Variants in RBFOX1 observed in about 807,000 individuals in gnomAD.
RBFOX1 encodes the protein RNA binding fox-1 homolog 1.
A neutral mutation model predicts 57.7 loss-of-function variants in RBFOX1; 8 were observed. The ratio of observed to expected loss-of-function variants is 0.14; its 90% CI spans 0.08 to 0.25. The LOEUF (loss-of-function observed/expected upper bound fraction) is 0.25, where lower values mean the gene tolerates loss of function less well. Among genes scored for constraint, RBFOX1 ranks in the 10% least tolerant of loss-of-function variants. The pLI, the probability that RBFOX1 is intolerant of heterozygous loss-of-function variation, is 1.00. For missense variants in RBFOX1, 611 were observed against 548.5 expected, an observed-to-expected ratio of 1.11 and a Z score of -1.14; for synonymous variants, 326 against 222.4, an observed-to-expected ratio of 1.47 and a Z score of -4.15.
At chr16:7,302,084 C>G (rs946757224) in intron 4 of RBFOX1, among the ~76,000 whole-genome samples, 30 of 152,270 alleles carry the variant, frequency 2.0e-4, no homozygotes, top group African/African-American at 6.5e-4. Context: ...GAATAGCAGC[C>G]TCTACTTTCC....
At chr16:5,676,290 C>G (rs2050167727) in intron 3 of RBFOX1, among the ~76,000 whole-genome samples, 2 of 152,200 alleles carry the variant, frequency 1.3e-5, no homozygotes, top group Non-Finnish European at 1.5e-5. Flanking sequence ...CACCTTTTTA[C>G]CCACCCATTT....
At chr16:6,437,817 A>T (rs1322318541) in intron 2 of RBFOX1, among the ~76,000 whole-genome samples, 1 of 152,188 alleles carries the variant, frequency 6.6e-6, no homozygotes, top group East Asian at 1.9e-4. Flanking sequence ...CTCATTCATT[A>T]TCAGGAGAAC....
intron 3 of RBFOX1, among the ~76,000 whole-genome samples, chr16:6,976,667 TATATATC>T (rs1258137119): frequency 6.7e-6 from 1 of 149,436 alleles, no homozygotes; most frequent in Non-Finnish European, 1.5e-5. Context: ...ATATATGATA[TATATATC>T]ATATATATCA....
chr16:7,546,491 A>G (rs1193038557), intron 5 of RBFOX1, among the ~76,000 whole-genome samples: 1 of 152,222 alleles, frequency 6.6e-6, no homozygotes, highest in Non-Finnish European at 1.5e-5. Context: ...AAAATATAGT[A>G]TATCCAGATA....
intron 2 of RBFOX1, among the ~76,000 whole-genome samples, chr16:6,640,711 T>A (rs538559916): frequency 1.8e-4 from 27 of 152,260 alleles, no homozygotes; most frequent in Middle Eastern, 3.4e-3. Flanking sequence ...GGCAAATACT[T>A]GTGACCCTCT....
intron 10 of RBFOX1, among the ~76,000 whole-genome samples, chr16:7,623,882 C>A (rs773086035): frequency 5.9e-5 from 9 of 152,158 alleles, no homozygotes; most frequent in Non-Finnish European, 8.8e-5. Flanking sequence ...AGATTAAGGC[C>A]CACCCATATG....
intron 1 of RBFOX1, among the ~76,000 whole-genome samples, chr16:5,407,613 G>A (rs493127): frequency 0.3 from 45,565 of 151,918 alleles, 7,028 homozygotes; most frequent in Middle Eastern, 0.36. Context: ...CAGTGGCATG[G>A]TCTTGGCTTA....
intron 3 of RBFOX1, among the ~76,000 whole-genome samples, chr16:5,796,656 C>A (rs2054889404): frequency 6.6e-6 from 1 of 152,148 alleles, no homozygotes; most frequent in African/African-American, 2.4e-5. Context: ...GTTTACTTGT[C>A]AATGCCCATT....
chr16:6,370,271 T>G (rs1423023348), intron 2 of RBFOX1, among the ~76,000 whole-genome samples: 2 of 138,182 alleles, frequency 1.4e-5, no homozygotes, highest in East Asian at 4.3e-4. Flanking sequence ...GGCAGGAGAA[T>G]AGTGTGAACT....
At chr16:5,346,033 G>T (rs1355877370) in intron 1 of RBFOX1, among the ~76,000 whole-genome samples, 3 of 152,202 alleles carry the variant, frequency 2.0e-5, no homozygotes, top group Non-Finnish European at 4.4e-5. Flanking sequence ...TTCAGTATCT[G>T]TGCTGAGACT....
Position 7,475,047 on chromosome 16 carries a change from T to C in RBFOX1, c.28-43100T>C, listed in dbSNP as rs950782527. 3.3e-5 allele frequency among the ~76,000 whole-genome samples: 5 copies of C among 152,304 alleles called. No homozygotes were observed. The East Asian group carries it at 7.7e-4, about 24-fold the overall frequency. On this transcript the variant is annotated intron_variant, in intron 4 of 15. Transcript: ENST00000550418. ...AGCTGTTGATAACAAAGACAGGTTG[T>C]TCACCAAATCAGAGAGTCTTTGAGA...
chr16:6,739,857 A>C (rs2071527574), intron 3 of RBFOX1, among the ~76,000 whole-genome samples: 1 of 152,148 alleles, frequency 6.6e-6, no homozygotes, highest in South Asian at 2.1e-4. Flanking sequence ...AGCCTGGGTG[A>C]CAGAGCAAGA....
At chr16:6,787,993 TGG>T (rs34350414) in intron 3 of RBFOX1, among the ~76,000 whole-genome samples, 7 of 151,750 alleles carry the variant, frequency 4.6e-5, no homozygotes, top group Non-Finnish European at 8.8e-5. Flanking sequence ...GAGTCCGAGG[TGG>T]GGGGACCGCT....
chr16:7,671,837 C>A (rs2071548518), intron 13 of RBFOX1, among the ~76,000 whole-genome samples: 1 of 152,218 alleles, frequency 6.6e-6, no homozygotes, highest in Admixed American at 6.5e-5. Flanking sequence ...GGTGCTGTTT[C>A]CATGACTGAG....
intron 4 of RBFOX1, among the ~76,000 whole-genome samples, chr16:7,387,710 C>T (rs1224806703): frequency 1.3e-5 from 2 of 152,070 alleles, no homozygotes; most frequent in East Asian, 1.9e-4. Flanking sequence ...CAGCTGTGGG[C>T]CATCATGGTA....
At chr16:6,091,329 A>G (rs141813667) in intron 1 of RBFOX1, among the ~76,000 whole-genome samples, 44 of 152,316 alleles carry the variant, frequency 2.9e-4, no homozygotes, top group African/African-American at 1.0e-3. Flanking sequence ...TCGTCAGAAG[A>G]AGATTTGTCT....
chr16:6,143,732 C>T (rs1209985315), intron 1 of RBFOX1, among the ~76,000 whole-genome samples: 1 of 152,044 alleles, frequency 6.6e-6, no homozygotes, highest in Admixed American at 6.6e-5. Context: ...TCAAAGTTTG[C>T]TCCCAAACTC....
chr16:6,142,085 GCTT>G (rs139759211), intron 1 of RBFOX1, among the ~76,000 whole-genome samples: 4,522 of 139,514 alleles, frequency 0.032, 248 homozygotes, highest in African/African-American at 0.11. Context: ...CTGGAATACT[GCTT>G]CTTGCTTCTG....
chr16:5,413,580 G>A (rs2067082520), intron 1 of RBFOX1, among the ~76,000 whole-genome samples: 1 of 152,188 alleles, frequency 6.6e-6, no homozygotes, highest in Non-Finnish European at 1.5e-5. Context: ...CATTTCCATT[G>A]TCACGGGAGG....
Sources: gnomAD v4.1 joint callset for allele counts (sites outside exome capture counted in the v4.1 genomes callset) on GRCh38, gnomAD v4.1.1 for gene constraint, MANE v1.5 for transcripts, NCBI Gene and HGNC (gene_info 2026-07-23, HGNC 2026-07-21) for gene names.